Variants in CBFA2T2 observed in about 807,000 individuals in gnomAD.
CBFA2T2 encodes the protein CBFA2/RUNX1 partner transcriptional co-repressor 2.
In CBFA2T2, 11 loss-of-function variants were observed where a neutral mutation model predicts 62.2. The observed-to-expected ratio is 0.18, with a 90% CI of 0.11 to 0.29. The LOEUF (loss-of-function observed/expected upper bound fraction) is 0.29. Ranked by LOEUF, CBFA2T2 falls within the 10% of genes least tolerant of loss-of-function variation. The pLI is 1.00. For synonymous variants in CBFA2T2, 295 were observed against 287.5 expected (o/e 1.03, Z -0.27); for missense variants, 592 against 774.1 (o/e 0.76, Z 2.79).
intron 1 of CBFA2T2, among the ~76,000 whole-genome samples, chr20:33,584,876 G>A (rs138952499): frequency 2.7e-3 from 412 of 152,258 alleles, no homozygotes; most frequent in Middle Eastern, 0.01. Flanking sequence ...TAAACTACCA[G>A]TGGGATTTTG....
intron 1 of CBFA2T2, among the ~76,000 whole-genome samples, chr20:33,565,166 G>A (rs530558707): frequency 5.3e-5 from 8 of 152,106 alleles, no homozygotes; most frequent in South Asian, 4.1e-4. Context: ...TGATCTGCCC[G>A]CCTTGGCCTC....
chr20:33,589,396 G>C (rs1601017865), intron 1 of CBFA2T2, among the ~76,000 whole-genome samples: 1 of 152,208 alleles, frequency 6.6e-6, no homozygotes. Context: ...CAATGATTTA[G>C]GCCCACAAAA....
rs1458980999 is a variant in CBFA2T2, at chr20:33,648,702, G to A, written c.*4056G>A. 2.0e-5 allele frequency: 3 copies of A among 152,202 alleles called. No homozygotes were observed. Among genetic ancestry groups the A allele is most frequent in the African/African-American group, 7.2e-5 (3 of 41,430 alleles). 9.4% of individuals were successfully genotyped at this position (152,202 alleles called of 1,614,324 possible). On this transcript the variant is annotated 3_prime_UTR_variant, in exon 11 of 11. Coordinates refer to ENST00000342704, the MANE Select transcript of CBFA2T2 (RefSeq NM_001032999.3). ...TCTGTCTGGAAACAGGACACATCTTGCCACCACAAGTCCACACCTGGCCTT... is the reference window on the plus strand; with the variant it reads ...TCTGTCTGGAAACAGGACACATCTTACCACCACAAGTCCACACCTGGCCTT...
At chr20:33,587,690 C>T (rs1204602566) in intron 1 of CBFA2T2, among the ~76,000 whole-genome samples, 2 of 152,228 alleles carry the variant, frequency 1.3e-5, no homozygotes, top group Admixed American at 1.3e-4. Context: ...TGAGCCACTG[C>T]GTCCAGCCCC....
intron 1 of CBFA2T2, among the ~76,000 whole-genome samples, chr20:33,591,709 A>G (rs369795706): frequency 3.3e-5 from 5 of 152,334 alleles, no homozygotes; most frequent in African/African-American, 1.2e-4. Flanking sequence ...TTAATAGCAC[A>G]TTAAAGTTTA....
intron 1 of CBFA2T2, among the ~76,000 whole-genome samples, chr20:33,512,201 TGGCGGTGTGCA>T (rs759248906): frequency 6.6e-6 from 1 of 150,972 alleles, no homozygotes. Context: ...TAGCCGGGCA[TGGCGGTGTGCA>T]GGCGGTGTGC....
At position 33,624,893 on chromosome 20, in the gene CBFA2T2, A is replaced by G. The variant is rs566715261; in HGVS notation, c.822A>G (p.Gln274=). 3.7e-6 allele frequency: 6 copies of G among 1,614,146 alleles called. No homozygotes were observed. Among genetic ancestry groups the G allele is most frequent in the African/African-American group, 1.3e-5 (1 of 75,032 alleles). ...TGCCCCTCATGAATCCCGGGGGCCA[A>G]TTCCATCCTACCCCTCCACCTCTTC... is the stretch of plus-strand genomic sequence containing the variant. ...LTVPLMNPGG[Q]FHPTPPPLQH... The change falls in exon 6 of 11, where the codon CAA becomes CAG. Residue 274 remains glutamine, a synonymous_variant. Transcript: ENST00000342704.
At chr20:33,512,601 A>C (rs1297061030) in intron 1 of CBFA2T2, among the ~76,000 whole-genome samples, 1 of 152,082 alleles carries the variant, frequency 6.6e-6, no homozygotes, top group Admixed American at 6.6e-5. Flanking sequence ...GTCCATTCTC[A>C]AATTTCTGTC....
chr20:33,534,451 T>C, intron 1 of CBFA2T2, among the ~76,000 whole-genome samples: 1 of 152,124 alleles, frequency 6.6e-6, no homozygotes, highest in East Asian at 1.9e-4. Context: ...TAGCTGGGAC[T>C]ACAGGCACGC....
chr20:33,582,915 C>T (rs573062666), intron 1 of CBFA2T2, among the ~76,000 whole-genome samples: 24 of 151,812 alleles, frequency 1.6e-4, no homozygotes, highest in Admixed American at 1.4e-3. Context: ...GCACTCCAGC[C>T]TGGATGACAG....
At chr20:33,636,550 G>A in intron 8 of CBFA2T2, 90 bp from the exon 9 acceptor site, 2 of 912,074 alleles carry the variant, frequency 2.2e-6, no homozygotes, top group South Asian at 1.5e-5. Flanking sequence ...ATATGTTTGA[G>A]TCTAAGTGGT....
chr20:33,648,544 T>TG lies in CBFA2T2; in HGVS notation c.*3903dup. On this transcript the variant is annotated 3_prime_UTR_variant, in exon 11 of 11. Coordinates refer to ENST00000342704, the MANE Select transcript of CBFA2T2 (RefSeq NM_001032999.3). Reference sequence around the variant, plus strand: ...GGCCTAGGCAGTCCACTTCGGGAGGTGGGGGCACTCCACACTGGGGGGCCC... The same window carrying TG: ...GGCCTAGGCAGTCCACTTCGGGAGGTGGGGGGCACTCCACACTGGGGGGCCC... 1 of 152,102 alleles carries TG rather than the reference T, an allele frequency of 6.6e-6. No homozygotes were observed. The highest frequency in any genetic ancestry group is 1.5e-5 in the Non-Finnish European group (1 of 68,032). 9.4% of individuals were successfully genotyped at this position (152,102 alleles called of 1,614,324 possible).
chr20:33,517,891 G>A (rs1479188899), intron 1 of CBFA2T2, among the ~76,000 whole-genome samples: 1 of 151,744 alleles, frequency 6.6e-6, no homozygotes, highest in South Asian at 2.1e-4. Flanking sequence ...TGATCCACCC[G>A]CCTCGGCCTC....
intron 1 of CBFA2T2, among the ~76,000 whole-genome samples, chr20:33,593,298 C>A (rs2014741789): frequency 2.0e-5 from 3 of 151,860 alleles, no homozygotes; most frequent in African/African-American, 7.3e-5. Flanking sequence ...TGCCACTGCA[C>A]CCCAACCTGG....
chr20:33,596,302 C>T (rs987293839), intron 1 of CBFA2T2, among the ~76,000 whole-genome samples: 2 of 152,186 alleles, frequency 1.3e-5, no homozygotes, highest in Non-Finnish European at 2.9e-5. Flanking sequence ...CTTTGTTACA[C>T]ATAATATACT....
At chr20:33,611,024 C>G in intron 2 of CBFA2T2, 70 bp from the exon 3 acceptor site, 1 of 1,582,056 alleles carries the variant, frequency 6.3e-7, no homozygotes, top group Non-Finnish European at 8.6e-7. Context: ...AAAATACAAA[C>G]AAGAAAAAAT....
At chr20:33,520,144 C>CA (rs1359751213) in intron 1 of CBFA2T2, among the ~76,000 whole-genome samples, 1 of 151,816 alleles carries the variant, frequency 6.6e-6, no homozygotes, top group Admixed American at 6.6e-5. Context: ...AATTCCGTCT[C>CA]AAAAAACAAA....
rs375499419 is a variant in CBFA2T2 at position 33,616,773 on chromosome 20, T to C, written c.421-2744T>C. ...GCATTGGAGAAAGCTGAATAGAGGA[T>C]ACATTGGAGTATAAGTGTTGCCCTT... On this transcript the variant is annotated intron_variant, in intron 3 of 10. Coordinates refer to ENST00000342704, the MANE Select transcript of CBFA2T2 (RefSeq NM_001032999.3). Among the ~76,000 whole-genome samples, 56 of 151,750 alleles carry C rather than the reference T, an allele frequency of 3.7e-4. 1 individual carries two copies. Among genetic ancestry groups the C allele is most frequent in the African/African-American group, 1.3e-3 (55 of 41,402 alleles).
chr20:33,632,757 C>T (rs960645406), intron 8 of CBFA2T2, among the ~76,000 whole-genome samples: 1 of 151,024 alleles, frequency 6.6e-6, no homozygotes, highest in African/African-American at 2.4e-5. Flanking sequence ...TCACCAGTGA[C>T]TTTTAAATAA....
Sources: allele counts gnomAD v4.1 joint callset (sites outside exome capture counted in the v4.1 genomes callset), GRCh38; gene constraint gnomAD v4.1.1; transcripts MANE v1.5; gene names NCBI Gene and HGNC (gene_info 2026-07-23, HGNC 2026-07-21).